The following TGFB2 variants were observed in gnomAD, a reference collection of about 807,000 sequenced individuals.
TGFB2 encodes transforming growth factor beta 2.
TGFB2 carries 13 observed loss-of-function variants against 42.7 expected under a neutral mutation model. That is an observed-to-expected ratio of 0.30 (90% CI 0.20 to 0.48). The LOEUF is 0.48. Among genes scored for constraint, TGFB2 ranks in the 20% least tolerant of loss-of-function variants. The pLI is 0.99. For synonymous variants in TGFB2, 193 were observed against 193.6 expected, an observed-to-expected ratio of 1.00 and a Z score of 0.03; for missense variants, 390 against 517.5, an observed-to-expected ratio of 0.75 and a Z score of 2.39.
intron 2 of TGFB2, among the ~76,000 whole-genome samples, chr1:218,413,650 AACTT>A (rs1372008066): frequency 3.3e-5 from 5 of 152,202 alleles, no homozygotes; most frequent in African/African-American, 4.8e-5. Flanking sequence ...AAAGTGACTC[AACTT>A]ACTTTTGTTC....
At chr1:218,411,123 A>G (rs950118229) in intron 2 of TGFB2, among the ~76,000 whole-genome samples, 4 of 152,144 alleles carry the variant, frequency 2.6e-5, no homozygotes, top group African/African-American at 9.7e-5. Flanking sequence ...TCTTCTCACC[A>G]ACTCACACCC....
chr1:218,423,674 G>A (rs1659528227), intron 2 of TGFB2, among the ~76,000 whole-genome samples: 1 of 152,234 alleles, frequency 6.6e-6, no homozygotes, highest in East Asian at 1.9e-4. Context: ...GAGATGATAG[G>A]TTGGTGGCCA....
chr1:218,393,461 C>A (rs1395256954), intron 1 of TGFB2, among the ~76,000 whole-genome samples: 1 of 152,148 alleles, frequency 6.6e-6, no homozygotes, highest in Non-Finnish European at 1.5e-5. Flanking sequence ...CAACACAGGC[C>A]GGCTTCCTTC....
intron 1 of TGFB2, among the ~76,000 whole-genome samples, chr1:218,357,069 G>A (rs550893170): frequency 1.1e-4 from 17 of 151,936 alleles, no homozygotes; most frequent in South Asian, 6.2e-4. Flanking sequence ...AAAATTAGCC[G>A]GGCATGGTGG....
At chr1:218,429,898 T>G (rs1404491293) in intron 2 of TGFB2, among the ~76,000 whole-genome samples, 1 of 152,092 alleles carries the variant, frequency 6.6e-6, no homozygotes, top group East Asian at 1.9e-4. Context: ...AAAAAAGAAA[T>G]GTATAAAATT....
At chr1:218,396,566 TTTTAG>T (rs1382112048) in intron 1 of TGFB2, among the ~76,000 whole-genome samples, 4 of 151,964 alleles carry the variant, frequency 2.6e-5, no homozygotes, top group Admixed American at 2.6e-4. Context: ...TCTTCTAAAT[TTTTAG>T]AAAATTATTT....
chr1:218,369,647 C>T (rs934496837), intron 1 of TGFB2, among the ~76,000 whole-genome samples: 2 of 152,146 alleles, frequency 1.3e-5, no homozygotes, highest in African/African-American at 2.4e-5. Context: ...AGTTCGTACT[C>T]GCGGTGAAGC....
chr1:218,438,397 A>T (rs1558264640), intron 6 of TGFB2, among the ~76,000 whole-genome samples: 1 of 152,198 alleles, frequency 6.6e-6, no homozygotes, highest in Non-Finnish European at 1.5e-5. Flanking sequence ...ATTAGTAAAT[A>T]CACTATCAAT....
intron 2 of TGFB2, among the ~76,000 whole-genome samples, chr1:218,423,299 G>T (rs6668651): frequency 0.38 from 57,126 of 152,014 alleles, 11,652 homozygotes; most frequent in East Asian, 0.71. Context: ...CCTCTCTCTT[G>T]TATGGGCTTA....
chr1:218,423,796 T>A (rs1659533454), intron 2 of TGFB2, among the ~76,000 whole-genome samples: 1 of 152,218 alleles, frequency 6.6e-6, no homozygotes. Flanking sequence ...AACTCACACG[T>A]ATTGAATACC....
chr1:218,365,308 TA>T (rs1657351418), intron 1 of TGFB2, among the ~76,000 whole-genome samples: 1 of 152,164 alleles, frequency 6.6e-6, no homozygotes, highest in African/African-American at 2.4e-5. Context: ...TACTTGGGAT[TA>T]ATTTCCTTTT....
chr1:218,376,683 C>T (rs925602049), intron 1 of TGFB2, among the ~76,000 whole-genome samples: 11 of 152,170 alleles, frequency 7.2e-5, no homozygotes, highest in Non-Finnish European at 1.6e-4. Context: ...CTGATGTGCT[C>T]CCAGTAGCTA....
rs562740473 is a variant in TGFB2, at chr1:218,380,879, A to G, written c.347-24290A>G. ...AGGCTAACATGCTGGGGTGCTTACC[A>G]TGTGCCAGGCATAGTGCCAAATGTT... On this transcript the variant is annotated intron_variant, in intron 1 of 6. Transcript: ENST00000366930. 2.6e-5 allele frequency among the ~76,000 whole-genome samples: 4 copies of G among 152,290 alleles called. No homozygotes were observed. In the South Asian group the frequency reaches 8.3e-4, roughly 32 times the overall value.
At chr1:218,405,717 G>T (rs1254695332) in intron 2 of TGFB2, among the ~76,000 whole-genome samples, 1 of 152,028 alleles carries the variant, frequency 6.6e-6, no homozygotes, top group Non-Finnish European at 1.5e-5. Flanking sequence ...TAGAGTAAAA[G>T]AATTCTAGTG....
At chr1:218,366,482 A>AT (rs1657391428) in intron 1 of TGFB2, among the ~76,000 whole-genome samples, 1 of 152,060 alleles carries the variant, frequency 6.6e-6, no homozygotes, top group African/African-American at 2.4e-5. Context: ...ATTAAAAAAA[A>AT]AATTTTTTTT....
Position 218,434,151 on chromosome 1 carries a change from G to T in TGFB2, c.580G>T (p.Ala194Ser), listed in dbSNP as rs1375258583. Reference sequence around the variant, plus strand: ...CGACAGCAAAGTTGTGAAAACAAGAGCAGAAGGCGAATGGCTCTCCTTCGA... The same window carrying T: ...CGACAGCAAAGTTGTGAAAACAAGATCAGAAGGCGAATGGCTCTCCTTCGA... ...YIDSKVVKTR[A>S]EGEWLSFDVT... Residue 194 changes from alanine (A) to serine (S), a missense_variant, in exon 3 of 7, where the codon GCA becomes TCA. Ala to Ser is a moderately conservative substitution (Grantham distance 99). Coordinates refer to ENST00000366930, the MANE Select transcript of TGFB2 (RefSeq NM_003238.6). 3.1e-6 allele frequency: 5 copies of T among 1,614,082 alleles called. No homozygotes were observed. The highest frequency in any genetic ancestry group is 4.2e-6 in the Non-Finnish European group (5 of 1,180,030).
intron 1 of TGFB2, among the ~76,000 whole-genome samples, chr1:218,373,985 A>G (rs1657658688): frequency 6.6e-6 from 1 of 152,354 alleles, no homozygotes; most frequent in East Asian, 1.9e-4. Flanking sequence ...CATGCTCTTC[A>G]TGTTCCTCAT....
At chr1:218,364,997 A>G (rs1042188666) in intron 1 of TGFB2, among the ~76,000 whole-genome samples, 1 of 152,164 alleles carries the variant, frequency 6.6e-6, no homozygotes, top group Non-Finnish European at 1.5e-5. Flanking sequence ...AGGGAATGAG[A>G]GAAAGAAAAC....
At chr1:218,405,615 C>T (rs1658887329) in intron 2 of TGFB2, 2 of 435,456 alleles carry the variant, frequency 4.6e-6, no homozygotes, top group African/African-American at 4.0e-5. Context: ...GCAATCTTCC[C>T]ACCTTGGCCT....
Sources: allele counts gnomAD v4.1 joint callset (sites outside exome capture counted in the v4.1 genomes callset), GRCh38; gene constraint gnomAD v4.1.1; transcripts MANE v1.5; gene names NCBI Gene and HGNC (gene_info 2026-07-23, HGNC 2026-07-21).